Variants in SNRK observed in about 807,000 individuals in gnomAD.
SNRK encodes SNF related kinase, also known as SNF-related serine/threonine-protein kinase.
Under a neutral mutation model 48.2 loss-of-function variants are expected in SNRK, and 3 were observed. That is an observed-to-expected ratio of 0.06 (90% CI 0.03 to 0.16). The LOEUF is 0.16. SNRK is among the 10% of genes least tolerant of loss of function. The pLI is 1.00. For synonymous variants in SNRK, 376 were observed against 366.1 expected (o/e 1.03, Z -0.31); for missense variants, 627 against 976.0 (o/e 0.64, Z 4.76).
chr3:43,311,884 T>A (rs1006569796), intron 3 of SNRK, among the ~76,000 whole-genome samples: 2 of 152,146 alleles, frequency 1.3e-5, no homozygotes, highest in African/African-American at 4.8e-5. Context: ...AAATGATACT[T>A]TAAAATTTTC....
rs185067439 is a variant in SNRK at position 43,330,467 on chromosome 3, A to G, written c.590-1702A>G. 5.9e-3 allele frequency among the ~76,000 whole-genome samples: 896 copies of G among 152,350 alleles called. 3 individuals carry two copies. The highest frequency in any genetic ancestry group is 9.2e-3 in the Non-Finnish European group (626 of 68,012). On this transcript the variant is annotated intron_variant, in intron 3 of 6. Coordinates refer to ENST00000296088, the MANE Select transcript of SNRK (RefSeq NM_017719.5). ...CAGTGGTGGCTTGGGAGTTGGGACA[A>G]GTGACCCAAAATAGCAGATTTGAGT... is the stretch of plus-strand genomic sequence containing the variant.
intron 3 of SNRK, among the ~76,000 whole-genome samples, chr3:43,322,780 G>A (rs1255945990): frequency 6.6e-6 from 1 of 151,646 alleles, no homozygotes; most frequent in East Asian, 1.9e-4. Context: ...GTGAAACCCC[G>A]TCTCTACTAA....
At chr3:43,346,054 C>T (rs1027552417) in intron 6 of SNRK, among the ~76,000 whole-genome samples, 1 of 152,134 alleles carries the variant, frequency 6.6e-6, no homozygotes, top group African/African-American at 2.4e-5. Flanking sequence ...TGTTGGAACT[C>T]TCTAGGGAGG....
intron 4 of SNRK, among the ~76,000 whole-genome samples, chr3:43,333,904 T>A (rs1015710041): frequency 3.3e-5 from 5 of 151,986 alleles, no homozygotes; most frequent in Non-Finnish European, 5.9e-5. Flanking sequence ...TCCCAGCACT[T>A]AAGGAGGCCG....
chr3:43,333,375 A>G (rs2091162801), intron 4 of SNRK: 1 of 149,422 alleles, frequency 6.7e-6, no homozygotes, highest in African/African-American at 2.5e-5. Context: ...AAAAAAAAAA[A>G]AAAAAAAAAA....
At chr3:43,307,187 A>G (rs193252893) in intron 3 of SNRK, among the ~76,000 whole-genome samples, 2 of 152,198 alleles carry the variant, frequency 1.3e-5, no homozygotes, top group Admixed American at 1.3e-4. Flanking sequence ...GGTATTGTCA[A>G]GCTATAATTG....
At chr3:43,330,485 AT>A (rs2091137906) in intron 3 of SNRK, among the ~76,000 whole-genome samples, 1 of 152,246 alleles carries the variant, frequency 6.6e-6, no homozygotes, top group African/African-American at 2.4e-5. Context: ...AAAATAGCAG[AT>A]TTGAGTGGTA....
At chr3:43,325,568 C>G (rs941939241) in intron 3 of SNRK, among the ~76,000 whole-genome samples, 1 of 152,156 alleles carries the variant, frequency 6.6e-6, no homozygotes, top group African/African-American at 2.4e-5. Context: ...TTATAAAATG[C>G]TGATTCATAT....
Position 43,303,485 on chromosome 3 carries a change from T to C in SNRK, c.282T>C (p.Leu94=), listed in dbSNP as rs1481492866. 8.1e-6 allele frequency: 13 copies of C among 1,614,072 alleles called. No individual in the cohort carries two copies. Among genetic ancestry groups the C allele is most frequent in the Non-Finnish European group, 1.1e-5 (13 of 1,180,004 alleles). Residue 94 remains leucine (L), a synonymous_variant, in exon 3 of 7, where the codon CTT becomes CTC. Transcript: ENST00000296088. This position sits in a 1 kb window ranked among gnomAD's most constrained non-coding sequence, Gnocchi z 6.2. The stretch of plus-strand genomic sequence containing the variant: ...CCAAACTATATCTTATTCTAGAACT[T>C]GGGGATGGAGGAGATATGTTTGATT... ...TQTKLYLILE[L]GDGGDMFDYI...
intron 5 of SNRK, 44 bp from the exon 6 acceptor site, chr3:43,343,300 C>A: frequency 3.9e-6 from 6 of 1,533,590 alleles, no homozygotes; most frequent in Non-Finnish European, 5.2e-6. Flanking sequence ...TGTAAAAAAA[C>A]CTCCTGATAT....
chr3:43,348,196 G>C lies in SNRK; in HGVS notation c.1937G>C (p.Ser646Thr). Residue 646 changes from serine (S) to threonine (T), a missense_variant, in exon 7 of 7, where the codon AGC (serine) becomes ACC (threonine). Physicochemically the swap from Ser to Thr is moderately conservative, Grantham distance 58. Coordinates refer to ENST00000296088, the MANE Select transcript of SNRK (RefSeq NM_017719.5). ...ASRSAGELVE[S>T]LKLMSLCLGS... Reference sequence around the variant, plus strand: ...CGCAGTGCTGGGGAGCTCGTTGAGAGCCTCAAACTCATGAGCCTCTGCCTC... The same window carrying C: ...CGCAGTGCTGGGGAGCTCGTTGAGACCCTCAAACTCATGAGCCTCTGCCTC... 4 of 1,604,836 alleles carry C rather than the reference G, an allele frequency of 2.5e-6. No homozygotes were observed. The highest frequency in any genetic ancestry group is 3.4e-6 in the Non-Finnish European group (4 of 1,175,834).
intron 3 of SNRK, among the ~76,000 whole-genome samples, chr3:43,313,698 A>G (rs1164848853): frequency 6.6e-6 from 1 of 152,214 alleles, no homozygotes; most frequent in Non-Finnish European, 1.5e-5. Context: ...TGAAATCTGA[A>G]TAAGCTCTGT....
chr3:43,292,223 C>T (rs1400294444), intron 1 of SNRK, among the ~76,000 whole-genome samples: 1 of 152,114 alleles, frequency 6.6e-6, no homozygotes, highest in South Asian at 2.1e-4. Flanking sequence ...TGGGTGATAA[C>T]GAGAGAGATC....
At chr3:43,307,940 T>G (rs1292515324) in intron 3 of SNRK, among the ~76,000 whole-genome samples, 1 of 152,200 alleles carries the variant, frequency 6.6e-6, no homozygotes, top group Admixed American at 6.5e-5. Flanking sequence ...GAAAAGTTCT[T>G]GAAGGAAATT....
intron 3 of SNRK, among the ~76,000 whole-genome samples, chr3:43,329,516 C>T (rs1325604102): frequency 6.6e-6 from 1 of 152,042 alleles, no homozygotes; most frequent in African/African-American, 2.4e-5. Flanking sequence ...GTGGGAGAGT[C>T]ATTTGCCCTC....
At chr3:43,326,048 G>C (rs2091094467) in intron 3 of SNRK, among the ~76,000 whole-genome samples, 1 of 152,132 alleles carries the variant, frequency 6.6e-6, no homozygotes, top group African/African-American at 2.4e-5. Flanking sequence ...TGAGTTGGAA[G>C]GGTGTCTGCT....
intron 1 of SNRK, among the ~76,000 whole-genome samples, chr3:43,289,982 T>A (rs2090798111): frequency 6.6e-6 from 1 of 152,212 alleles, no homozygotes; most frequent in East Asian, 1.9e-4. Context: ...TCTAAACACA[T>A]ACCCTCTTGA....
At chr3:43,325,938 C>G (rs913089025) in intron 3 of SNRK, among the ~76,000 whole-genome samples, 14 of 152,020 alleles carry the variant, frequency 9.2e-5, no homozygotes, top group African/African-American at 3.4e-4. Flanking sequence ...AGAAATCGCC[C>G]AAGTATGATG....
In SNRK at chr3:43,347,897, T is replaced by C. The variant is rs1179780614; in HGVS notation, c.1638T>C (p.Asp546=). ...SSCSSSETSD[D]DSESRRRLDK... The stretch of plus-strand genomic sequence containing the variant: ...GCAGTAGTTCGGAGACCAGTGATGA[T>C]GATTCTGAAAGCCGGCGGCGGCTCG... Residue 546 remains aspartate (D), a synonymous_variant, in exon 7 of 7, where the codon GAT becomes GAC. Transcript: ENST00000296088. The surrounding 1 kb of genome is among the most constrained non-coding windows in gnomAD (Gnocchi z 5.4). The C allele has an allele frequency of 1.2e-6, 2 of 1,614,038 alleles. No individual in the cohort carries two copies. Among genetic ancestry groups the C allele is most frequent in the African/African-American group, 1.3e-5 (1 of 75,012 alleles).
Sources: allele counts gnomAD v4.1 joint callset (sites outside exome capture counted in the v4.1 genomes callset), GRCh38; gene constraint gnomAD v4.1.1; non-coding constraint Gnocchi (gnomAD v3.1); transcripts MANE v1.5; gene names NCBI Gene and HGNC (gene_info 2026-07-23, HGNC 2026-07-21).